The following ACYP2 variants were observed in gnomAD, a reference collection of about 807,000 sequenced individuals.
ACYP2 encodes acylphosphatase 2, also known as acylphosphatase-2.
ACYP2 carries 12 observed loss-of-function variants against 11.2 expected under a neutral mutation model. The ratio of observed to expected loss-of-function variants is 1.08; its 90% CI spans 0.69 to 1.74. ACYP2 has a LOEUF of 1.74. Ranked by LOEUF, ACYP2 falls within the 40% of genes most tolerant of loss-of-function variation. The pLI is 0.00. For missense variants in ACYP2, 134 were observed against 101.9 expected (o/e 1.31, Z -1.35); for synonymous variants, 43 against 32.2 (o/e 1.33, Z -1.13).
chr2:54,043,088 T>TGG (rs1363817571), intron 2 of ACYP2, among the ~76,000 whole-genome samples: 2 of 152,118 alleles, frequency 1.3e-5, no homozygotes, highest in African/African-American at 4.8e-5. Flanking sequence ...TGTGTGTGTG[T>TGG]GTGTGTGTGT....
chr2:54,087,734 G>C (rs1678013240), intron 4 of ACYP2, among the ~76,000 whole-genome samples: 1 of 152,144 alleles, frequency 6.6e-6, no homozygotes, highest in African/African-American at 2.4e-5. Context: ...AAGACATATG[G>C]ATGGGTGAAT....
Position 54,047,108 on chromosome 2 carries a change from G to A in ACYP2, c.63-3850G>A, listed in dbSNP as rs940241397. Among the ~76,000 whole-genome samples the A allele has an allele frequency of 3.9e-5, 6 of 152,218 alleles. No individual in the cohort carries two copies. In the East Asian group the frequency reaches 1.2e-3, roughly 29 times the overall value. On this transcript the variant is annotated intron_variant, in intron 2 of 6. Transcript: ENST00000607452. Reference sequence around the variant, plus strand: ...AGGCACCAAGGCACTAAGGCACCAAGCAAGGCTGGATAACTGTTTTCTAAA... The same window carrying A: ...AGGCACCAAGGCACTAAGGCACCAAACAAGGCTGGATAACTGTTTTCTAAA...
intron 6 of ACYP2, among the ~76,000 whole-genome samples, chr2:54,281,888 A>C (rs1688862911): frequency 6.6e-6 from 1 of 152,236 alleles, no homozygotes; most frequent in Admixed American, 6.5e-5. Flanking sequence ...ATACCCTATC[A>C]GCTAATTATT....
chr2:54,152,855 G>T (rs187945444), intron 6 of ACYP2, among the ~76,000 whole-genome samples: 1 of 152,034 alleles, frequency 6.6e-6, no homozygotes. Context: ...TTAGAGATAG[G>T]GTCTTTCTGT....
chr2:54,123,072 G>A (rs1572805893), intron 4 of ACYP2: 1 of 299,994 alleles, frequency 3.3e-6, no homozygotes, highest in Non-Finnish European at 6.1e-6. Flanking sequence ...GCGGGAGGAA[G>A]AAGAGGACAT....
At chr2:54,255,183 AG>A (rs1325490828) in intron 6 of ACYP2, 4 of 1,614,064 alleles carry the variant, frequency 2.5e-6, no homozygotes, top group Middle Eastern at 3.3e-4. Flanking sequence ...GAGTGGAAAA[AG>A]ACACCACTTG....
At chr2:54,238,003 A>C (rs1686569191) in intron 6 of ACYP2, among the ~76,000 whole-genome samples, 1 of 152,102 alleles carries the variant, frequency 6.6e-6, no homozygotes, top group Admixed American at 6.6e-5. Context: ...TCTTACTCCT[A>C]GATTTTTAAA....
At chr2:54,064,778 G>C (rs1558503693) in intron 4 of ACYP2, among the ~76,000 whole-genome samples, 1 of 152,172 alleles carries the variant, frequency 6.6e-6, no homozygotes, top group Non-Finnish European at 1.5e-5. Context: ...ACTGCATTAA[G>C]GAGGGTCAGA....
At chr2:54,271,317 GC>G (rs1688290109) in intron 6 of ACYP2, among the ~76,000 whole-genome samples, 1 of 152,308 alleles carries the variant, frequency 6.6e-6, no homozygotes, top group Admixed American at 6.5e-5. Flanking sequence ...TACTCATGTG[GC>G]CAGAGGTCAC....
At chr2:54,152,339 G>C (rs1682219097) in intron 6 of ACYP2, among the ~76,000 whole-genome samples, 1 of 151,938 alleles carries the variant, frequency 6.6e-6, no homozygotes, top group Non-Finnish European at 1.5e-5. Context: ...TCCCGGGCTG[G>C]TCTCAAAGTC....
At chr2:54,175,497 AT>A (rs368235417) in intron 6 of ACYP2, among the ~76,000 whole-genome samples, 3,574 of 151,788 alleles carry the variant, frequency 0.024, 123 homozygotes, top group African/African-American at 0.077. Flanking sequence ...GGATTCATTG[AT>A]TTTTTTGAAG....
intron 4 of ACYP2, among the ~76,000 whole-genome samples, chr2:54,082,286 C>T (rs1677703597): frequency 6.6e-6 from 1 of 151,312 alleles, no homozygotes; most frequent in South Asian, 2.1e-4. Context: ...CACTCTATCG[C>T]CCAGGCTGGA....
Position 54,135,437 on chromosome 2 carries a change from T to C in ACYP2, c.278-16T>C, listed in dbSNP as rs768753945. ...GAGGACAAGCTGACAATTCTTTTTA[T>C]CTTTCTTTTATACAGGTGTTTGCTT... is the stretch of plus-strand genomic sequence containing the variant. On this transcript the variant is annotated splice_polypyrimidine_tract_variant and intron_variant, in intron 4 of 6. Coordinates refer to ENST00000607452, the MANE Select transcript of ACYP2 (RefSeq NM_001320586.2). The C allele has an allele frequency of 1.5e-5, 24 of 1,606,756 alleles. No homozygotes were observed. The East Asian group carries it at 5.4e-4, about 36-fold the overall frequency.
intron 6 of ACYP2, among the ~76,000 whole-genome samples, chr2:54,175,040 T>TTG (rs1199942949): frequency 2.6e-5 from 4 of 152,254 alleles, no homozygotes; most frequent in African/African-American, 9.6e-5. Flanking sequence ...GATGCTGGCC[T>TTG]CATGAAATGA....
chr2:54,126,938 G>C (rs537123551), intron 4 of ACYP2, among the ~76,000 whole-genome samples: 1 of 141,214 alleles, frequency 7.1e-6, no homozygotes, highest in South Asian at 2.3e-4. Flanking sequence ...TGGGTGACAA[G>C]AGCGAAACTC....
intron 2 of ACYP2, among the ~76,000 whole-genome samples, chr2:54,020,539 C>T (rs761391986): frequency 6.6e-6 from 1 of 152,172 alleles, no homozygotes; most frequent in Non-Finnish European, 1.5e-5. Context: ...AAAGGATAGG[C>T]AAACTGCAGA....
chr2:54,061,533 G>A (rs140635335), intron 4 of ACYP2, among the ~76,000 whole-genome samples: 146 of 152,272 alleles, frequency 9.6e-4, no homozygotes, highest in African/African-American at 3.2e-3. Context: ...GTCTATAATT[G>A]TACCAGCCTG....
intron 6 of ACYP2, among the ~76,000 whole-genome samples, chr2:54,179,278 C>T (rs1242727299): frequency 6.6e-6 from 1 of 151,796 alleles, no homozygotes; most frequent in Admixed American, 6.6e-5. Context: ...CATCTCCCCA[C>T]CACCAAGCAA....
intron 6 of ACYP2, among the ~76,000 whole-genome samples, chr2:54,148,937 C>T (rs942483232): frequency 3.3e-5 from 5 of 152,056 alleles, no homozygotes; most frequent in African/African-American, 9.7e-5. Flanking sequence ...TGGCAAAAAC[C>T]GCAATTACTT....
Sources: allele counts gnomAD v4.1 joint callset (sites outside exome capture counted in the v4.1 genomes callset), GRCh38; gene constraint gnomAD v4.1.1; transcripts MANE v1.5; gene names NCBI Gene and HGNC (gene_info 2026-07-23, HGNC 2026-07-21).